Variants in PDE10A observed in about 807,000 individuals in gnomAD.
The protein encoded by PDE10A is phosphodiesterase 10A.
A neutral mutation model predicts 97.7 loss-of-function variants in PDE10A; 39 were observed. That is an observed-to-expected ratio of 0.40 (90% confidence interval 0.31 to 0.52). PDE10A has a LOEUF of 0.52. Among genes scored for constraint, PDE10A ranks in the 20% least tolerant of loss-of-function variants. PDE10A has a pLI of 0.56. For synonymous variants in PDE10A, 371 were observed against 376.8 expected, an observed-to-expected ratio of 0.98 and a Z score of 0.18; for missense variants, 731 against 1,047.8, an observed-to-expected ratio of 0.70 and a Z score of 4.17.
chr6:165,900,302 T>A (rs1782067874), intron 1 of PDE10A, among the ~76,000 whole-genome samples: 1 of 152,086 alleles, frequency 6.6e-6, no homozygotes, highest in East Asian at 1.9e-4. Flanking sequence ...AGAAACCCTA[T>A]CTCTACTAAA....
intron 18 of PDE10A, among the ~76,000 whole-genome samples, chr6:165,355,189 G>A (rs1782948752): frequency 6.6e-6 from 1 of 152,122 alleles, no homozygotes; most frequent in Non-Finnish European, 1.5e-5. Context: ...TTTACAAAAT[G>A]CAGATTTATA....
intron 1 of PDE10A, among the ~76,000 whole-genome samples, chr6:165,808,291 T>A (rs1779190691): frequency 6.6e-6 from 1 of 152,204 alleles, no homozygotes; most frequent in African/African-American, 2.4e-5. Flanking sequence ...TAGTTGCCAG[T>A]CCCTCTGGTC....
At chr6:165,954,485 C>T (rs1784069677) in intron 1 of PDE10A, among the ~76,000 whole-genome samples, 1 of 152,154 alleles carries the variant, frequency 6.6e-6, no homozygotes, top group Non-Finnish European at 1.5e-5. Flanking sequence ...TTCCTAAAGT[C>T]CATCAGTTAG....
At chr6:165,631,628 A>T (rs927940538) in intron 1 of PDE10A, among the ~76,000 whole-genome samples, 3 of 152,250 alleles carry the variant, frequency 2.0e-5, no homozygotes, top group African/African-American at 7.2e-5. Flanking sequence ...CATTTTTATT[A>T]CATGGTTAAA....
chr6:165,467,250 T>C (rs118055785), intron 3 of PDE10A, among the ~76,000 whole-genome samples: 14 of 152,342 alleles, frequency 9.2e-5, no homozygotes, highest in Non-Finnish European at 1.9e-4. Context: ...ATGGAGAAGC[T>C]GCAGCAAGTT....
At chr6:165,863,262 C>A (rs1221603174) in intron 1 of PDE10A, among the ~76,000 whole-genome samples, 1 of 152,110 alleles carries the variant, frequency 6.6e-6, no homozygotes, top group Non-Finnish European at 1.5e-5. Context: ...TCGGGTTGCT[C>A]TAAGAAACAG....
chr6:165,497,810 C>T (rs574182979), intron 2 of PDE10A, among the ~76,000 whole-genome samples: 1 of 152,220 alleles, frequency 6.6e-6, no homozygotes, highest in African/African-American at 2.4e-5. Flanking sequence ...TCTACTGATG[C>T]TTTAAGAGCT....
intron 18 of PDE10A, among the ~76,000 whole-genome samples, chr6:165,350,421 C>T (rs1782617426): frequency 6.6e-6 from 1 of 152,168 alleles, no homozygotes; most frequent in African/African-American, 2.4e-5. Flanking sequence ...AATGCCTGTA[C>T]CCCCATTGTG....
intron 2 of PDE10A, among the ~76,000 whole-genome samples, chr6:165,511,931 CA>C (rs945866250): frequency 6.6e-5 from 10 of 151,954 alleles, no homozygotes; most frequent in African/African-American, 2.4e-4. Flanking sequence ...GCATTTCTTA[CA>C]GGCAGCATAT....
intron 1 of PDE10A, among the ~76,000 whole-genome samples, chr6:165,681,173 C>T (rs988045344): frequency 6.6e-6 from 1 of 152,166 alleles, no homozygotes; most frequent in Non-Finnish European, 1.5e-5. Flanking sequence ...GGGTAGTTCA[C>T]CTCATCCAAG....
intron 1 of PDE10A, among the ~76,000 whole-genome samples, chr6:165,676,082 C>A (rs10806829): frequency 0.41 from 62,534 of 151,974 alleles, 13,249 homozygotes; most frequent in African/African-American, 0.46. Flanking sequence ...TTGCAGCAAC[C>A]GGGGTGAAAC....
At chr6:165,507,070 A>G (rs940998178) in intron 2 of PDE10A, among the ~76,000 whole-genome samples, 1 of 151,330 alleles carries the variant, frequency 6.6e-6, no homozygotes, top group African/African-American at 2.4e-5. Context: ...ACTACCTGCC[A>G]CCCTGCTGCC....
intron 1 of PDE10A, among the ~76,000 whole-genome samples, chr6:165,818,658 T>C (rs1779484174): frequency 6.6e-6 from 1 of 152,230 alleles, no homozygotes; most frequent in African/African-American, 2.4e-5. Context: ...GAACATTATT[T>C]TATGAATGGT....
chr6:165,985,763 C>T (rs1395300760), intron 1 of PDE10A, among the ~76,000 whole-genome samples: 1 of 152,158 alleles, frequency 6.6e-6, no homozygotes, highest in East Asian at 1.9e-4. Context: ...CACCAATGCA[C>T]ATGACAGCCA....
chr6:165,633,785 G>A (rs549893280), intron 1 of PDE10A, among the ~76,000 whole-genome samples: 131 of 101,128 alleles, frequency 1.3e-3, no homozygotes, highest in Admixed American at 3.6e-3. Flanking sequence ...GCACCACCAC[G>A]CCGGGCTAAT....
rs1464587065 is a variant in PDE10A at position 165,332,037 on chromosome 6, T to G, written c.*988A>C. The G allele has an allele frequency of 6.6e-6, 1 of 152,196 alleles. No homozygotes were observed. The highest frequency in any genetic ancestry group is 1.5e-5 in the Non-Finnish European group (1 of 68,034). The allele number at this position is 152,196 out of a possible 1,614,324, so 9.4% of individuals were successfully genotyped here. A position where few individuals can be genotyped will look rare whatever the true frequency, so the allele number is the denominator to read the frequency against. On this transcript the variant is annotated 3_prime_UTR_variant, in exon 22 of 22. Coordinates refer to ENST00000539869, the MANE Select transcript of PDE10A (RefSeq NM_001385079.1). ...TATGGTTTGATGTTTAAAAGAGAAC[T>G]GTATGGTATTTTAATTAAACAATGT... is the stretch of plus-strand genomic sequence containing the variant.
At chr6:165,543,659 C>A (rs756356668) in intron 1 of PDE10A, 91 bp from the exon 2 acceptor site, 189 of 956,138 alleles carry the variant, frequency 2.0e-4, no homozygotes, top group Non-Finnish European at 2.7e-4. Flanking sequence ...TGCTAAGACC[C>A]AGCAACCTCT....
chr6:165,429,961 T>A (rs991181662), intron 9 of PDE10A, among the ~76,000 whole-genome samples: 2 of 152,116 alleles, frequency 1.3e-5, no homozygotes, highest in Non-Finnish European at 2.9e-5. Context: ...TAAACCAGAA[T>A]ATTTTCCCTC....
At chr6:165,515,419 A>G (rs1047282473) in intron 2 of PDE10A, among the ~76,000 whole-genome samples, 7 of 152,004 alleles carry the variant, frequency 4.6e-5, no homozygotes, top group African/African-American at 7.2e-5. Context: ...AAAACATAAA[A>G]TGTATACTTT....
Sources: allele counts gnomAD v4.1 joint callset (sites outside exome capture counted in the v4.1 genomes callset), GRCh38; gene constraint gnomAD v4.1.1; transcripts MANE v1.5; gene names NCBI Gene and HGNC (gene_info 2026-07-23, HGNC 2026-07-21).